LINGO1: variants seen among roughly 807,000 people sequenced by gnomAD.
LINGO1 encodes leucine rich repeat and Ig domain containing 1.
In LINGO1, 11 loss-of-function variants were observed where a neutral mutation model predicts 37.3. That is an observed-to-expected ratio of 0.29 (90% CI 0.19 to 0.49). The LOEUF (loss-of-function observed/expected upper bound fraction) is 0.49, where lower values mean the gene tolerates loss of function less well. LINGO1 is among the 20% of genes least tolerant of loss of function. LINGO1 has a pLI of 0.99. For synonymous variants in LINGO1, 387 were observed against 403.0 expected (o/e 0.96, Z 0.48); for missense variants, 585 against 878.2 (o/e 0.67, Z 4.22).
intron 1 of LINGO1, among the ~76,000 whole-genome samples, chr15:77,694,577 C>T (rs2075658329): frequency 6.6e-6 from 1 of 152,316 alleles, no homozygotes; most frequent in South Asian, 2.1e-4. Context: ...ACTCTTTGCC[C>T]TCTGCCCCAA....
intron 2 of LINGO1, among the ~76,000 whole-genome samples, chr15:77,690,525 A>C (rs2075585451): frequency 6.6e-6 from 1 of 152,226 alleles, no homozygotes; most frequent in Non-Finnish European, 1.5e-5. Flanking sequence ...TTACCACTAA[A>C]TACTTTAGTT....
Position 77,632,326 on chromosome 15 carries a change from C to A in LINGO1, c.-11G>T, listed in dbSNP as rs776107283. Reference sequence around the variant, plus strand: ...CTGGCTCACCTGCATCTCGGGCGCGCCTTCGGTCCGCTCGGCTCGGTCACC... The same window carrying A: ...CTGGCTCACCTGCATCTCGGGCGCGACTTCGGTCCGCTCGGCTCGGTCACC... On this transcript the variant is annotated 5_prime_UTR_variant, in exon 1 of 2. Transcript: ENST00000355300. This position sits in a 1 kb window ranked among gnomAD's most constrained non-coding sequence, Gnocchi z 6.0. The A allele has an allele frequency of 4.2e-6, 6 of 1,439,198 alleles. No homozygotes were observed. The highest frequency in any genetic ancestry group is 4.9e-5 in the Admixed American group (2 of 40,480). 89.2% of individuals were successfully genotyped at this position (1,439,198 alleles called of 1,614,324 possible).
chr15:77,675,219 T>C (rs1306930371), intron 3 of LINGO1, among the ~76,000 whole-genome samples: 1 of 152,170 alleles, frequency 6.6e-6, no homozygotes, highest in Non-Finnish European at 1.5e-5. Flanking sequence ...GATCTGGCTG[T>C]CCAGAACAAA....
At position 77,642,308 on chromosome 15, in the gene LINGO1, C is replaced by T. The variant is rs78465601; in HGVS notation, c.-12-26408G>A. ...CTTCACCATGCATGGGGGACCCCCA[C>T]CCCCAGGGAGTGGAGGAGGGAAACA... On this transcript the variant is annotated intron_variant, in intron 3 of 3. Transcript: ENST00000559893. Among the ~76,000 whole-genome samples, 501 of 152,304 alleles carry T rather than the reference C, an allele frequency of 3.3e-3. 4 individuals carry two copies. The highest frequency in any genetic ancestry group is 0.011 in the African/African-American group (470 of 41,564).
intron 1 of LINGO1, among the ~76,000 whole-genome samples, chr15:77,623,651 C>CG (rs928646866): frequency 2.0e-5 from 3 of 152,150 alleles, no homozygotes; most frequent in Non-Finnish European, 2.9e-5. Flanking sequence ...GCCGTCTCCC[C>CG]GGGGGTTGGT....
At chr15:77,709,366 T>G (rs1567538890) in intron 2 of LINGO1, among the ~76,000 whole-genome samples, 1 of 152,308 alleles carries the variant, frequency 6.6e-6, no homozygotes, top group East Asian at 1.9e-4. Flanking sequence ...TTGACCTCAC[T>G]GTATGCAGGG....
At chr15:77,737,569 T>C (rs2076215518) in intron 1 of LINGO1, among the ~76,000 whole-genome samples, 1 of 152,124 alleles carries the variant, frequency 6.6e-6, no homozygotes, top group African/African-American at 2.4e-5. Flanking sequence ...CTATCTCTAC[T>C]GTCTCCACCC....
intron 1 of LINGO1, among the ~76,000 whole-genome samples, chr15:77,744,474 C>T (rs375103198): frequency 1.3e-5 from 2 of 152,158 alleles, no homozygotes; most frequent in East Asian, 1.9e-4. Flanking sequence ...GTTGAGGCTG[C>T]ACTGCGCCGA....
chr15:77,809,129 C>T (rs967796425), intron 1 of LINGO1, among the ~76,000 whole-genome samples: 2 of 152,226 alleles, frequency 1.3e-5, no homozygotes, highest in African/African-American at 4.8e-5. Flanking sequence ...CAGCCAGAGC[C>T]CTTAGAATCT....
chr15:77,805,647 G>A (rs1444447643), intron 1 of LINGO1, among the ~76,000 whole-genome samples: 1 of 152,188 alleles, frequency 6.6e-6, no homozygotes, highest in Admixed American at 6.5e-5. Flanking sequence ...CTTCCAAACT[G>A]GTGGTCTCGG....
chr15:77,793,873 T>C (rs1025329493), intron 2 of LINGO1, among the ~76,000 whole-genome samples: 11 of 152,230 alleles, frequency 7.2e-5, no homozygotes, highest in Non-Finnish European at 1.3e-4. Flanking sequence ...CTCACACTTT[T>C]CTATAGAGAA....
At position 77,632,355 on chromosome 15, in the gene LINGO1, C is replaced by A. The variant is rs2074282260; in HGVS notation, c.-40G>T. 7 of 1,412,770 alleles carry A rather than the reference C, an allele frequency of 5.0e-6. No homozygotes were observed. The highest frequency in any genetic ancestry group is 3.8e-4 in the Middle Eastern group (2 of 5,242). The allele number at this position is 1,412,770 out of a possible 1,614,324, so 87.5% of individuals were successfully genotyped here. On this transcript the variant is annotated 5_prime_UTR_variant, in exon 1 of 2. Coordinates refer to ENST00000355300, the MANE Select transcript of LINGO1 (RefSeq NM_032808.7). The surrounding 1 kb of genome is among the most constrained non-coding windows in gnomAD (Gnocchi z 6.0). ...CGGTCCGCTCGGCTCGGTCACCAAT[C>A]GCATGTCTCTCCAGCCGGCCCGACC...
upstream of LINGO1, among the ~76,000 whole-genome samples, chr15:77,698,150 G>A (rs551350692): frequency 6.6e-6 from 1 of 152,234 alleles, no homozygotes; most frequent in East Asian, 1.9e-4. Flanking sequence ...GGCGGATGAG[G>A]GAGGGTTCTG....
At chr15:77,731,958 C>T (rs1006063408) in intron 2 of LINGO1, among the ~76,000 whole-genome samples, 4 of 152,192 alleles carry the variant, frequency 2.6e-5, no homozygotes, top group Non-Finnish European at 5.9e-5. Context: ...ACCCGAATGT[C>T]ACTCAGTTCA....
At chr15:77,807,521 G>A (rs72730745) in intron 1 of LINGO1, among the ~76,000 whole-genome samples, 10,074 of 152,212 alleles carry the variant, frequency 0.066, 416 homozygotes, top group Non-Finnish European at 0.097. Context: ...TAATCACTCT[G>A]TAATGGGGAA....
intron 3 of LINGO1, among the ~76,000 whole-genome samples, chr15:77,652,540 T>C (rs1345419520): frequency 9.1e-6 from 1 of 110,140 alleles, no homozygotes; most frequent in Non-Finnish European, 1.9e-5. Context: ...GTTGCCAGAA[T>C]ACGGAAATCA....
chr15:77,798,511 C>T (rs2076891713), intron 1 of LINGO1, among the ~76,000 whole-genome samples: 2 of 152,246 alleles, frequency 1.3e-5, no homozygotes, highest in African/African-American at 2.4e-5. Context: ...CCTAAAGCTC[C>T]CACTCTCCTC....
chr15:77,733,748 C>A (rs979951518), intron 2 of LINGO1, among the ~76,000 whole-genome samples: 3 of 152,098 alleles, frequency 2.0e-5, no homozygotes, highest in African/African-American at 7.2e-5. Flanking sequence ...AATTAGCAAC[C>A]CTCCTCCACG....
chr15:77,639,573 T>A (rs997572825), intron 3 of LINGO1, among the ~76,000 whole-genome samples: 1 of 151,978 alleles, frequency 6.6e-6, no homozygotes, highest in Non-Finnish European at 1.5e-5. Flanking sequence ...ATGGCCTAAG[T>A]GCCCATCATT....
Sources: allele counts gnomAD v4.1 joint callset (sites outside exome capture counted in the v4.1 genomes callset), GRCh38; gene constraint gnomAD v4.1.1; non-coding constraint Gnocchi (gnomAD v3.1); transcripts MANE v1.5; gene names NCBI Gene and HGNC (gene_info 2026-07-23, HGNC 2026-07-21).